The following SMAP1 variants were observed in gnomAD, a reference collection of about 807,000 sequenced individuals.
The protein encoded by SMAP1 is stromal membrane-associated protein 1.
In SMAP1, 24 loss-of-function variants were observed where a neutral mutation model predicts 58.5. That is an observed-to-expected ratio of 0.41 (90% CI 0.30 to 0.58). The LOEUF is 0.58. Among genes scored for constraint, SMAP1 ranks in the 20% least tolerant of loss-of-function variants. The probability of loss-of-function intolerance (pLI) is 0.29; values close to 1 mark genes in which losing one functional copy is unlikely to be tolerated. For synonymous variants in SMAP1, 216 were observed against 196.6 expected (o/e 1.10, Z -0.82); for missense variants, 563 against 566.3 (o/e 0.99, Z 0.06).
At chr6:70,715,656 T>C (rs1768237424) in intron 1 of SMAP1, among the ~76,000 whole-genome samples, 1 of 152,176 alleles carries the variant, frequency 6.6e-6, no homozygotes, top group South Asian at 2.1e-4. Flanking sequence ...CTTGGGATGG[T>C]GGAGTAGGGT....
intron 1 of SMAP1, among the ~76,000 whole-genome samples, chr6:70,707,286 GATTT>G (rs1767879026): frequency 2.0e-5 from 3 of 151,988 alleles, no homozygotes; most frequent in African/African-American, 2.4e-5. Context: ...TCATGAATGT[GATTT>G]ATTATTTCAG....
chr6:70,820,714 A>AT (rs1477602377), intron 6 of SMAP1, among the ~76,000 whole-genome samples: 1 of 152,134 alleles, frequency 6.6e-6, no homozygotes, highest in African/African-American at 2.4e-5. Flanking sequence ...CGGAAAAAAA[A>AT]AAAAAAGAAA....
rs753745426 is a variant in SMAP1 at position 70,861,038 on chromosome 6, AAAAC to A, written c.*708_*711del. The A allele has an allele frequency of 3.7e-5, 9 of 244,448 alleles. No homozygotes were observed. The highest frequency in any genetic ancestry group is 1.3e-4 in the African/African-American group (6 of 45,292). 15.1% of individuals were successfully genotyped at this position (244,448 alleles called of 1,614,324 possible). A position where few individuals can be genotyped will look rare whatever the true frequency, so the allele number is the denominator to read the frequency against. On this transcript the variant is annotated 3_prime_UTR_variant, in exon 11 of 11. Coordinates refer to ENST00000370455, the MANE Select transcript of SMAP1 (RefSeq NM_001044305.3). ...CTATATGCAAACAGGGTAACTAACT[AAAAC>A]AAAGCCACTTTCAATCTTCAATCCT...
At chr6:70,737,403 T>G (rs530607674) in intron 2 of SMAP1, among the ~76,000 whole-genome samples, 52 of 152,294 alleles carry the variant, frequency 3.4e-4, no homozygotes, top group African/African-American at 1.2e-3. Context: ...TGCCTTGGCC[T>G]CCCAAAGTGC....
intron 4 of SMAP1, among the ~76,000 whole-genome samples, chr6:70,778,728 C>G (rs1219513461): frequency 6.6e-6 from 1 of 152,192 alleles, no homozygotes; most frequent in East Asian, 1.9e-4. Flanking sequence ...CTGAGTACGT[C>G]GGTTGTCAGG....
At chr6:70,744,343 G>A (rs1765936747) in intron 2 of SMAP1, among the ~76,000 whole-genome samples, 1 of 151,814 alleles carries the variant, frequency 6.6e-6, no homozygotes, top group African/African-American at 2.4e-5. Context: ...CCCCCGATAG[G>A]CCCCGGTGTG....
intron 2 of SMAP1, among the ~76,000 whole-genome samples, chr6:70,745,943 T>G (rs1374557526): frequency 6.6e-6 from 1 of 152,202 alleles, no homozygotes; most frequent in Non-Finnish European, 1.5e-5. Flanking sequence ...GCATTGTGAA[T>G]GGGAGTTCAC....
intron 2 of SMAP1, among the ~76,000 whole-genome samples, chr6:70,736,806 T>G (rs1030586902): frequency 4.6e-5 from 7 of 152,344 alleles, no homozygotes; most frequent in African/African-American, 1.7e-4. Context: ...TCCAAGGCTT[T>G]GCCTTATTTC....
chr6:70,689,233 TC>T (rs1767057742), intron 1 of SMAP1, among the ~76,000 whole-genome samples: 1 of 152,158 alleles, frequency 6.6e-6, no homozygotes, highest in Admixed American at 6.5e-5. Flanking sequence ...GGTCTTGAAC[TC>T]CCGACCTCAG....
chr6:70,810,267 C>T (rs1172439497), intron 6 of SMAP1, among the ~76,000 whole-genome samples: 1 of 152,098 alleles, frequency 6.6e-6, no homozygotes, highest in Non-Finnish European at 1.5e-5. Flanking sequence ...CCTTCTGCAC[C>T]TGACTAGCTG....
intron 2 of SMAP1, among the ~76,000 whole-genome samples, chr6:70,743,617 A>G (rs1017239489): frequency 2.0e-5 from 3 of 152,204 alleles, no homozygotes; most frequent in African/African-American, 4.8e-5. Context: ...CCATAGGCCA[A>G]AAAGCCTTTT....
At chr6:70,787,465 A>G (rs1318578552) in intron 4 of SMAP1, among the ~76,000 whole-genome samples, 1 of 152,062 alleles carries the variant, frequency 6.6e-6, no homozygotes, top group Non-Finnish European at 1.5e-5. Flanking sequence ...TAATTAAACT[A>G]AAGAGCTTCT....
In SMAP1 at chr6:70,836,176, C is replaced by T. The variant is rs6924572; in HGVS notation, c.577-765C>T. Among the ~76,000 whole-genome samples, 489 of 152,212 alleles carry T rather than the reference C, an allele frequency of 3.2e-3. 4 individuals are homozygous for T. Among genetic ancestry groups the T allele is most frequent in the African/African-American group, 0.011 (463 of 41,502 alleles). On this transcript the variant is annotated intron_variant, in intron 6 of 10. Coordinates refer to ENST00000370455, the MANE Select transcript of SMAP1 (RefSeq NM_001044305.3). ...GCCGCGGATAAAGACATACCCGAGA[C>T]TGGGCAATTTACAGAAGAAAGAGGT...
At chr6:70,704,140 A>G (rs1443600606) in intron 1 of SMAP1, among the ~76,000 whole-genome samples, 2 of 152,210 alleles carry the variant, frequency 1.3e-5, no homozygotes, top group African/African-American at 4.8e-5. Context: ...TTTTTATTGA[A>G]ACTTATATTT....
At chr6:70,681,354 G>C (rs970280340) in intron 1 of SMAP1, among the ~76,000 whole-genome samples, 2 of 152,168 alleles carry the variant, frequency 1.3e-5, no homozygotes, top group African/African-American at 4.8e-5. Context: ...ATCTCCTGAG[G>C]AGGTCAAGGC....
intron 1 of SMAP1, among the ~76,000 whole-genome samples, chr6:70,686,178 G>GC (rs1554189232): frequency 2.6e-5 from 4 of 151,920 alleles, no homozygotes; most frequent in Admixed American, 2.6e-4. Context: ...CTCAGAGTCT[G>GC]TTTTTTTTAC....
intron 1 of SMAP1, among the ~76,000 whole-genome samples, chr6:70,672,561 A>G (rs1466973015): frequency 6.6e-6 from 1 of 152,242 alleles, no homozygotes; most frequent in Non-Finnish European, 1.5e-5. Context: ...GGTACACTGT[A>G]TCCCTGCTGG....
At position 70,861,360 on chromosome 6, in the gene SMAP1, A is replaced by AAAAT. The variant is rs1434653986; in HGVS notation, c.*1028_*1031dup. ...ATAAGGGCAAATTGGAGAAAAAGAAAAAATATATACTCAAGAGTGGTATCT... is the reference window on the plus strand; with the variant it reads ...ATAAGGGCAAATTGGAGAAAAAGAAAAAATAAATATATACTCAAGAGTGGTATCT... On this transcript the variant is annotated 3_prime_UTR_variant, in exon 11 of 11. Coordinates refer to ENST00000370455, the MANE Select transcript of SMAP1 (RefSeq NM_001044305.3). The AAAAT allele has an allele frequency of 5.8e-5, 15 of 257,778 alleles. No homozygotes were observed. Among genetic ancestry groups the AAAAT allele is most frequent in the African/African-American group, 1.3e-4 (6 of 45,990 alleles). The allele number at this position is 257,778 out of a possible 1,614,324, so 16.0% of individuals were successfully genotyped here.
intron 1 of SMAP1, among the ~76,000 whole-genome samples, chr6:70,695,323 A>T (rs928135165): frequency 3.3e-5 from 5 of 152,188 alleles, no homozygotes; most frequent in African/African-American, 9.7e-5. Context: ...ATTATGCTGA[A>T]TAACAGTAGT....
Sources: allele counts gnomAD v4.1 joint callset (sites outside exome capture counted in the v4.1 genomes callset), GRCh38; gene constraint gnomAD v4.1.1; transcripts MANE v1.5; gene names NCBI Gene and HGNC (gene_info 2026-07-23, HGNC 2026-07-21).